Variants in SERPINB3 observed in about 807,000 individuals in gnomAD.
SERPINB3 encodes the protein serpin family B member 3, also known as serpin B3.
In SERPINB3, 33 loss-of-function variants were observed where a neutral mutation model predicts 33.0. The ratio of observed to expected loss-of-function variants is 1.00; its 90% CI spans 0.76 to 1.34. SERPINB3 has a LOEUF of 1.34. Ranked by LOEUF, SERPINB3 falls within the 40% of genes most tolerant of loss-of-function variation. The probability of loss-of-function intolerance (pLI) is 0.00; values close to 1 mark genes in which losing one functional copy is unlikely to be tolerated. For missense variants in SERPINB3, 518 were observed against 461.5 expected, an observed-to-expected ratio of 1.12 and a Z score of -1.12; for synonymous variants, 200 against 170.9, an observed-to-expected ratio of 1.17 and a Z score of -1.33.
intron 6 of SERPINB3, 88 bp from the exon 7 acceptor site, chr18:63,657,074 T>C (rs1913517946): frequency 8.3e-7 from 1 of 1,200,142 alleles, no homozygotes; most frequent in East Asian, 2.5e-5. Context: ...ATCCTTCTTT[T>C]AAGAAATAAT....
chr18:63,661,285 G>T, intron 1 of SERPINB3, 43 bp from the exon 2 acceptor site: 1 of 1,536,464 alleles, frequency 6.5e-7, no homozygotes, highest in Non-Finnish European at 8.9e-7. Context: ...TTTAATAAAT[G>T]GAATGGTATT....
At chr18:63,658,782 T>G in intron 4 of SERPINB3, 152 bp from the exon 5 acceptor site, 1 of 650,122 alleles carries the variant, frequency 1.5e-6, no homozygotes, top group Admixed American at 3.0e-5. Flanking sequence ...ACTGGTGCCA[T>G]GTAGGCAATG....
At chr18:63,660,948 C>T (rs1414040759) in intron 2 of SERPINB3, 92 bp from the exon 3 acceptor site, 2 of 1,609,666 alleles carry the variant, frequency 1.2e-6, no homozygotes, top group African/African-American at 1.3e-5. Context: ...CTGCTCAGCC[C>T]CCTGTGCTAC....
chr18:63,658,773 C>G, intron 4 of SERPINB3, 143 bp from the exon 5 acceptor site: 1 of 673,820 alleles, frequency 1.5e-6, no homozygotes. Flanking sequence ...TATTTTTATA[C>G]TGGTGCCATG....
rs1426737256 is a variant in SERPINB3, at chr18:63,659,399, C to T, written c.351G>A (p.Gln117=). The T allele has an allele frequency of 6.2e-7, 1 of 1,613,386 alleles. No homozygotes were observed. The highest frequency in any genetic ancestry group is 2.2e-5 in the East Asian group (1 of 44,844). ...ATGTGGGTAGGCCAGGTGAAATTAC[C>T]TGTAAAAATAGATACGTTTTTTCTC... The part of the protein sequence containing the change: ...LFGEKTYLFL[Q]EYLDAIKKFY... Residue 117 remains glutamine, a splice_region_variant and synonymous_variant, in exon 4 of 8, where the codon CAG becomes CAA. Coordinates refer to ENST00000283752, the MANE Select transcript of SERPINB3 (RefSeq NM_006919.3).
In SERPINB3 at chr18:63,657,342, G is replaced by C; in HGVS notation, c.540C>G (p.Ile180Met). The change falls in exon 6 of 8, where the codon ATC (isoleucine) becomes ATG (methionine). Residue 180 changes from isoleucine (I) to methionine (M), a missense_variant. Ile to Met is a conservative substitution (Grantham distance 10). Coordinates refer to ENST00000283752, the MANE Select transcript of SERPINB3 (RefSeq NM_006919.3). ...SNTTLVLVNA[I>M]YFKGQWEKKF... The stretch of plus-strand genomic sequence containing the variant: ...TCTTCTCCCACTGCCCTTTGAAATA[G>C]ATTGCGTTCACAAGAACCAATGTGG... 2.5e-6 allele frequency: 4 copies of C among 1,610,214 alleles called. No homozygotes were observed. Among genetic ancestry groups the C allele is most frequent in the Non-Finnish European group, 3.4e-6 (4 of 1,177,484 alleles).
Position 63,661,032 on chromosome 18 carries a change from A to T in SERPINB3, c.165+20T>A, listed in dbSNP as rs182802060. 1.6e-5 allele frequency: 26 copies of T among 1,613,292 alleles called. No individual in the cohort carries two copies. The East Asian group carries it at 3.1e-4, about 19-fold the overall frequency. On this transcript the variant is annotated intron_variant, in intron 2 of 7. Coordinates refer to ENST00000283752, the MANE Select transcript of SERPINB3 (RefSeq NM_006919.3). The stretch of plus-strand genomic sequence containing the variant: ...CAGAGAAAAACTGCAACAGGACAAC[A>T]TAATGATGCTGATAGCTACCTTCTT...
chr18:63,656,727 T>C, intron 7 of SERPINB3, 104 bp downstream of exon 7: 2 of 1,362,176 alleles, frequency 1.5e-6, no homozygotes, highest in Non-Finnish European at 2.0e-6. Context: ...GAATTTTTCA[T>C]TATTTTGAGG....
intron 5 of SERPINB3, 80 bp downstream of exon 5, chr18:63,658,433 G>T (rs1001518757): frequency 1.6e-5 from 19 of 1,177,678 alleles, no homozygotes; most frequent in African/African-American, 1.4e-4. Flanking sequence ...TCCCACCCAT[G>T]GTCCCCCATG....
chr18:63,655,437 A>T lies in SERPINB3; in HGVS notation c.*220T>A, dbSNP rs1202439671. 1.2e-5 allele frequency: 6 copies of T among 495,822 alleles called. No individual in the cohort carries two copies. Among genetic ancestry groups the T allele is most frequent in the Admixed American group, 3.6e-5 (1 of 27,482 alleles). 30.7% of individuals were successfully genotyped at this position (495,822 alleles called of 1,614,324 possible). ...TTATTTTGGACATTTTTCCTCAAGG[A>T]GAATTTTTCTGGAAGAAAAAGTACA... On this transcript the variant is annotated 3_prime_UTR_variant, in exon 8 of 8. Transcript: ENST00000283752.
chr18:63,660,760 T>C, intron 3 of SERPINB3, 40 bp downstream of exon 3: 1 of 1,612,730 alleles, frequency 6.2e-7, no homozygotes, highest in Non-Finnish European at 8.5e-7. Flanking sequence ...TATGACCTGT[T>C]CGGGGATCTA....
rs143869105 is a variant in SERPINB3 at position 63,656,846 on chromosome 18, G to A, written c.753C>T (p.Ile251=). ...LSMIVLLPNE[I]DGLQKLEEKL... ...AAGTTCTTACCTTCTGGAGACCATC[G>A]ATTTCATTTGGCAGCAACACAATCA... The change falls in exon 7 of 8, where the codon ATC becomes ATT. Residue 251 remains isoleucine, a synonymous_variant. Transcript: ENST00000283752. 2.4e-5 allele frequency: 39 copies of A among 1,609,684 alleles called. No homozygotes were observed. The highest frequency in any genetic ancestry group is 4.0e-5 in the African/African-American group (3 of 74,830).
At chr18:63,659,218 T>C in intron 4 of SERPINB3, 181 bp downstream of exon 4, 1 of 657,750 alleles carries the variant, frequency 1.5e-6, no homozygotes, top group Non-Finnish European at 2.7e-6. Context: ...TTCAGTGATG[T>C]ATTGTTAGGG....
chr18:63,655,807 T>C lies in SERPINB3; in HGVS notation c.1023A>G (p.Ala341=). The change falls in exon 8 of 8, where the codon GCA becomes GCG. Residue 341 remains alanine, a synonymous_variant. Transcript: ENST00000283752. ...CTACAGCGGTGGCAGCTGCAGCTTC[T>C]GCTCCCTCCTCTGTAACCTCCACAA... ...KAFVEVTEEG[A]EAAAATAVVG... is the part of the protein sequence containing the mutation. The C allele has an allele frequency of 3.1e-6, 5 of 1,613,998 alleles. No individual in the cohort carries two copies. The highest frequency in any genetic ancestry group is 1.3e-5 in the African/African-American group (1 of 75,044).
chr18:63,656,568 C>A (rs1161781096), intron 7 of SERPINB3, among the ~76,000 whole-genome samples: 1 of 152,126 alleles, frequency 6.6e-6, no homozygotes, highest in Non-Finnish European at 1.5e-5. Flanking sequence ...TTCTCCCAGT[C>A]AAGTTTAAAT....
Position 63,660,811 on chromosome 18 carries a change from C to A in SERPINB3, c.211G>T (p.Ala71Ser), listed in dbSNP as rs139751574. 1,224 of 1,613,344 alleles carry A rather than the reference C, an allele frequency of 7.6e-4. No individual in the cohort carries two copies. Among genetic ancestry groups the A allele is most frequent in the Non-Finnish European group, 9.8e-4 (1,160 of 1,179,570 alleles). The change falls in exon 3 of 8, where the codon GCA becomes TCA. Residue 71 changes from alanine (A) to serine (S), a missense_variant. Transcript: ENST00000283752. The stretch of plus-strand genomic sequence containing the variant: ...GCTCTGTGACTCACATGATATGTTG[C>A]AGCTTTTCCTGTGGTGTTCTCTGTG... ...QVTENTTGKA[A>S]TYHVDRSGNV...
chr18:63,660,422 T>C (rs1913610788), intron 3 of SERPINB3, among the ~76,000 whole-genome samples: 1 of 152,162 alleles, frequency 6.6e-6, no homozygotes, highest in Non-Finnish European at 1.5e-5. Flanking sequence ...AAGGCAATGT[T>C]GTAAACATTT....
chr18:63,661,207 G>A lies in SERPINB3; in HGVS notation c.10C>T (p.Leu4Phe), dbSNP rs2144498536. Residue 4 changes from leucine (L) to phenylalanine (F), a missense_variant, in exon 2 of 8, where the codon CTC becomes TTC. Physicochemically the swap from Leu to Phe is conservative, Grantham distance 22 (BLOSUM62 0). Transcript: ENST00000283752. ...ATGAACTTGGTGTTGGCTTCACTGA[G>A]TGAATTCATGGTGAACTCGATGTGA... MNS[L>F]SEANTKFMFD... 1 of 1,613,262 alleles carries A rather than the reference G, an allele frequency of 6.2e-7. No individual in the cohort carries two copies. Among genetic ancestry groups the A allele is most frequent in the Non-Finnish European group, 8.5e-7 (1 of 1,179,460 alleles).
chr18:63,660,449 A>G (rs1474902933), intron 3 of SERPINB3, among the ~76,000 whole-genome samples: 1 of 152,068 alleles, frequency 6.6e-6, no homozygotes, highest in Non-Finnish European at 1.5e-5. Flanking sequence ...ATTTGCATGT[A>G]TTGAGTCAGA....
Sources: allele counts gnomAD v4.1 joint callset (sites outside exome capture counted in the v4.1 genomes callset), GRCh38; gene constraint gnomAD v4.1.1; transcripts MANE v1.5; gene names NCBI Gene and HGNC (gene_info 2026-07-23, HGNC 2026-07-21).